The following COL27A1 variants were observed in gnomAD, a reference collection of about 807,000 sequenced individuals.
COL27A1 encodes the protein collagen alpha-1(XXVII) chain.
COL27A1 carries 106 observed loss-of-function variants against 251.3 expected under a neutral mutation model. The ratio of observed to expected loss-of-function variants is 0.42; its 90% CI spans 0.36 to 0.50. The LOEUF is 0.50. Among genes scored for constraint, COL27A1 ranks in the 20% least tolerant of loss-of-function variants. The pLI is 0.00. For synonymous variants in COL27A1, 1,000 were observed against 986.3 expected (o/e 1.01, Z -0.26); for missense variants, 2,325 against 2,522.8 (o/e 0.92, Z 1.68).
chr9:114,169,116 C>T lies in COL27A1; in HGVS notation c.1561C>T (p.Pro521Ser), dbSNP rs749690622. Residue 521 changes from proline (P) to serine (S), a missense_variant, in exon 3 of 61, where the codon CCT becomes TCT. Pro to Ser is a moderately conservative substitution (Grantham distance 74). This residue lies in a region of COL27A1 where 1,183 missense variants were observed against 1,144.1 expected (regional missense o/e 1.03). Coordinates refer to ENST00000356083, the MANE Select transcript of COL27A1 (RefSeq NM_032888.4). Reference protein sequence around the residue: ...TSGTSTPRTAPAVPTPGSAPT... With the variant: ...TSGTSTPRTASAVPTPGSAPT... Reference sequence around the variant, plus strand: ...GGGCACCAGCACTCCCAGAACAGCACCTGCCGTCCCCACTCCTGGCTCAGC... The same window carrying T: ...GGGCACCAGCACTCCCAGAACAGCATCTGCCGTCCCCACTCCTGGCTCAGC... The T allele has an allele frequency of 4.3e-6, 7 of 1,614,042 alleles. No individual in the cohort carries two copies. In the Admixed American group the frequency reaches 1.0e-4, roughly 23 times the overall value.
At chr9:114,294,247 CAAAA>C (rs58536000) in intron 49 of COL27A1, among the ~76,000 whole-genome samples, 6 of 84,284 alleles carry the variant, frequency 7.1e-5, no homozygotes, top group Admixed American at 1.3e-4. Flanking sequence ...GACTCTGTCT[CAAAA>C]AAAAAAAAAA....
chr9:114,282,675 AGC>A, intron 39 of COL27A1, 111 bp downstream of exon 39: 1 of 670,376 alleles, frequency 1.5e-6, no homozygotes, highest in South Asian at 2.2e-5. Context: ...CCCAGCTATT[AGC>A]TGAACACCTG....
intron 15 of COL27A1, 81 bp from the exon 16 acceptor site, chr9:114,231,741 A>C: frequency 7.0e-7 from 1 of 1,428,712 alleles, no homozygotes; most frequent in Non-Finnish European, 9.9e-7. Flanking sequence ...GGGGTCTTGC[A>C]GCAAGTCGTG....
chr9:114,243,488 A>T lies in COL27A1; in HGVS notation c.2881-19A>T. 6.2e-7 allele frequency: 1 copy of T among 1,612,636 alleles called. No homozygotes were observed. Among genetic ancestry groups the T allele is most frequent in the Non-Finnish European group, 8.5e-7 (1 of 1,179,112 alleles). On this transcript the variant is annotated intron_variant, in intron 22 of 60. Transcript: ENST00000356083. ...TGCCCCTGTCCAGCTTCTCCCACTTACCTGTCTCTCTGTTGCAGGGTCAGC... is the reference window on the plus strand; with the variant it reads ...TGCCCCTGTCCAGCTTCTCCCACTTTCCTGTCTCTCTGTTGCAGGGTCAGC...
intron 24 of COL27A1, among the ~76,000 whole-genome samples, chr9:114,248,674 CG>C (rs1269397627): frequency 1.3e-5 from 2 of 152,024 alleles, no homozygotes; most frequent in South Asian, 2.1e-4. Flanking sequence ...GACAGTACCC[CG>C]GGGGGGTCCC....
chr9:114,210,974 C>T lies in COL27A1; in HGVS notation c.2323-8C>T, dbSNP rs376355086. On this transcript the variant is annotated splice_region_variant and splice_polypyrimidine_tract_variant and intron_variant, in intron 11 of 60. Coordinates refer to ENST00000356083, the MANE Select transcript of COL27A1 (RefSeq NM_032888.4). ...TGCCCTGACCTCTCCCCTGTCTCTCCCCTGCAGGGCCTGCCTGGCGTTCCT... is the reference window on the plus strand; with the variant it reads ...TGCCCTGACCTCTCCCCTGTCTCTCTCCTGCAGGGCCTGCCTGGCGTTCCT... The T allele has an allele frequency of 5.9e-5, 96 of 1,614,176 alleles. No homozygotes were observed. The African/African-American group carries it at 1.2e-3, about 19-fold the overall frequency.
intron 5 of COL27A1, among the ~76,000 whole-genome samples, chr9:114,188,902 G>A (rs1828562165): frequency 6.6e-6 from 1 of 152,104 alleles, no homozygotes; most frequent in South Asian, 2.1e-4. Flanking sequence ...TTGGAAGGTT[G>A]GGATGTTGCC....
chr9:114,182,533 C>T (rs1255510988), intron 4 of COL27A1, among the ~76,000 whole-genome samples: 3 of 151,860 alleles, frequency 2.0e-5, no homozygotes, highest in Non-Finnish European at 2.9e-5. Flanking sequence ...GCAAACGCAA[C>T]GAGGAGAGAA....
At chr9:114,186,581 G>A (rs1050838341) in intron 5 of COL27A1, among the ~76,000 whole-genome samples, 4 of 152,216 alleles carry the variant, frequency 2.6e-5, no homozygotes, top group African/African-American at 9.6e-5. Context: ...CCTTCTCAGA[G>A]GGCAGGAAGG....
chr9:114,251,637 G>A (rs748073602), intron 25 of COL27A1, among the ~76,000 whole-genome samples: 1 of 152,206 alleles, frequency 6.6e-6, no homozygotes, highest in Non-Finnish European at 1.5e-5. Flanking sequence ...GGCTTCTGCT[G>A]TTGCTCAAAT....
intron 3 of COL27A1, among the ~76,000 whole-genome samples, chr9:114,169,847 C>T (rs572575929): frequency 3.9e-5 from 6 of 152,348 alleles, no homozygotes; most frequent in African/African-American, 1.2e-4. Flanking sequence ...TCCAAAGCCC[C>T]GTTCTCCCAG....
intron 58 of COL27A1, 126 bp from the exon 59 acceptor site, chr9:114,307,543 C>T: frequency 1.4e-6 from 1 of 707,602 alleles, no homozygotes; most frequent in South Asian, 1.6e-5. Context: ...CTTTTCTGCT[C>T]ACCCACCCTG....
chr9:114,267,371 G>T, intron 33 of COL27A1, 133 bp from the exon 34 acceptor site: 1 of 675,680 alleles, frequency 1.5e-6, no homozygotes. Flanking sequence ...GCTACAAGCT[G>T]CTCCCACCTC....
At chr9:114,300,513 C>A in intron 50 of COL27A1, 112 bp from the exon 51 acceptor site, 1 of 774,348 alleles carries the variant, frequency 1.3e-6, no homozygotes, top group South Asian at 2.0e-5. Flanking sequence ...TCAGGTAAGG[C>A]CTCTCTTGAC....
chr9:114,298,053 C>T (rs1828374070), intron 49 of COL27A1, among the ~76,000 whole-genome samples: 1 of 151,334 alleles, frequency 6.6e-6, no homozygotes, highest in Non-Finnish European at 1.5e-5. Flanking sequence ...ATAGTCCTAG[C>T]TACTCAGGAG....
chr9:114,245,148 GTTTTTTTTTTTT>G (rs779029948), intron 23 of COL27A1, among the ~76,000 whole-genome samples: 3 of 101,334 alleles, frequency 3.0e-5, no homozygotes, highest in African/African-American at 1.2e-4. Context: ...GTGCATTCTT[GTTTTTTTTTTTT>G]TTTTTTTTTT....
intron 34 of COL27A1, among the ~76,000 whole-genome samples, 190 bp downstream of exon 34, chr9:114,267,747 C>T (rs188573928): frequency 2.1e-4 from 32 of 152,256 alleles, no homozygotes; most frequent in Non-Finnish European, 3.8e-4. Flanking sequence ...GTGCCCTCTG[C>T]GAGGTAATGT....
At chr9:114,181,035 C>CA (rs1655252107) in intron 4 of COL27A1, among the ~76,000 whole-genome samples, 1 of 152,160 alleles carries the variant, frequency 6.6e-6, no homozygotes, top group Non-Finnish European at 1.5e-5. Context: ...AACCTCTGTC[C>CA]AATTCCCACT....
chr9:114,206,664 C>T (rs1829984678), intron 10 of COL27A1, among the ~76,000 whole-genome samples: 1 of 152,168 alleles, frequency 6.6e-6, no homozygotes, highest in Admixed American at 6.5e-5. Context: ...CCCTCCTGCT[C>T]CCAAATGAGG....
Sources: allele counts gnomAD v4.1 joint callset (sites outside exome capture counted in the v4.1 genomes callset), GRCh38; gene constraint gnomAD v4.1.1; regional missense constraint gnomAD v4.1.1; transcripts MANE v1.5; gene names NCBI Gene and HGNC (gene_info 2026-07-23, HGNC 2026-07-21).